The following TENM1 variants were observed in gnomAD, a reference collection of about 807,000 sequenced individuals.
The protein encoded by TENM1 is teneurin transmembrane protein 1.
In TENM1, 35 loss-of-function variants were observed where a neutral mutation model predicts 174.8. The observed-to-expected ratio is 0.20, with a 90% confidence interval of 0.15 to 0.27. The LOEUF is 0.27. Ranked by LOEUF, TENM1 falls within the 10% of genes least tolerant of loss-of-function variation. The pLI is 1.00. For synonymous variants in TENM1, 781 were observed against 798.7 expected (o/e 0.98, Z 0.37); for missense variants, 1,633 against 2,130.1 (o/e 0.77, Z 4.59).
At chrX:124,999,197 G>A in the TENM1 span, among the ~76,000 whole-genome samples, 1 of 111,029 alleles carries the variant, frequency 9.0e-6, no homozygotes, top group Non-Finnish European at 1.9e-5. Context: ...GTTCTAGTAT[G>A]TGTGTTCATA....
At chrX:124,706,469 T>C (rs982565797) in intron 4 of TENM1, among the ~76,000 whole-genome samples, 1 of 111,714 alleles carries the variant, frequency 9.0e-6, no homozygotes, top group Non-Finnish European at 1.9e-5. Context: ...TAAATCCCTA[T>C]TTCTATTCCC....
the TENM1 span, among the ~76,000 whole-genome samples, chrX:125,029,647 T>C: frequency 2.7e-5 from 3 of 112,107 alleles, no homozygotes; most frequent in Non-Finnish European, 5.6e-5. Flanking sequence ...TGCCCTGCTA[T>C]TTTTATTTCC....
chrX:124,510,775 T>TACACACACACACACACACACACACAC (rs755205162), intron 18 of TENM1, among the ~76,000 whole-genome samples: 13 of 103,579 alleles, frequency 1.3e-4, no homozygotes, highest in African/African-American at 3.9e-4. Flanking sequence ...CATGGGGAGA[T>TACACACACACACACACACACACACAC]ACACACACAC....
the TENM1 span, among the ~76,000 whole-genome samples, chrX:125,122,268 A>T: frequency 3.6e-5 from 4 of 111,469 alleles, no homozygotes; most frequent in Non-Finnish European, 7.5e-5. Context: ...AGATATTTGG[A>T]TGTGGTTATG....
intron 3 of TENM1, among the ~76,000 whole-genome samples, chrX:124,755,512 T>C (rs1175068425): frequency 8.5e-4 from 94 of 111,140 alleles, no homozygotes; most frequent in Non-Finnish European, 1.7e-3. Flanking sequence ...TTGTTATGTG[T>C]GAATTTGATC....
the TENM1 span, among the ~76,000 whole-genome samples, chrX:125,006,887 G>T: frequency 9.0e-5 from 10 of 111,668 alleles, no homozygotes; most frequent in African/African-American, 9.8e-5. Flanking sequence ...CAGCCTCAAA[G>T]ATCAAAGGTA....
intron 3 of TENM1, among the ~76,000 whole-genome samples, chrX:124,828,647 T>C (rs1376117783): frequency 8.9e-6 from 1 of 112,074 alleles, no homozygotes; most frequent in Non-Finnish European, 1.9e-5. Flanking sequence ...GCCAATTAGA[T>C]CCTTTTCAAA....
chrX:124,604,375 C>T (rs1243569505), intron 11 of TENM1, among the ~76,000 whole-genome samples: 1 of 111,626 alleles, frequency 9.0e-6, no homozygotes, highest in East Asian at 2.8e-4. Context: ...TTTGAGACAT[C>T]TTAAAATGCT....
At chrX:124,467,220 G>T (rs766626278) in intron 22 of TENM1, among the ~76,000 whole-genome samples, 1 of 111,933 alleles carries the variant, frequency 8.9e-6, no homozygotes, top group South Asian at 3.7e-4. Context: ...AAATGAAACT[G>T]GAAGAAAAAT....
the TENM1 span, among the ~76,000 whole-genome samples, chrX:124,974,948 A>G: frequency 2.0e-5 from 2 of 98,083 alleles, no homozygotes; most frequent in African/African-American, 7.3e-5. Flanking sequence ...ATCCCATTAG[A>G]TAAATGGCAA....
At chrX:125,126,910 C>T in the TENM1 span, among the ~76,000 whole-genome samples, 51 of 111,278 alleles carry the variant, frequency 4.6e-4, no homozygotes, top group Admixed American at 2.0e-3. Flanking sequence ...CAGTTCTACA[C>T]GTCTGATTTC....
chrX:124,870,153 G>T (rs1035274143), intron 3 of TENM1, among the ~76,000 whole-genome samples: 11 of 111,686 alleles, frequency 9.8e-5, no homozygotes, highest in Non-Finnish European at 2.1e-4. Flanking sequence ...AGAAATAATA[G>T]TTCATATCAA....
At position 124,674,544 on chromosome X, in the gene TENM1, A is replaced by T. The variant is rs779281603; in HGVS notation, c.1016-2709T>A. ...TAATTTATCCTTAAAACTTTTAAGCATTTAACTGGTTTCTACCCTTTTCTT... is the reference window on the plus strand; with the variant it reads ...TAATTTATCCTTAAAACTTTTAAGCTTTTAACTGGTTTCTACCCTTTTCTT... On this transcript the variant is annotated intron_variant, in intron 5 of 31. Transcript: ENST00000422452. Among the ~76,000 whole-genome samples the T allele has an allele frequency of 3.6e-5, 4 of 111,072 alleles. No individual in the cohort carries two copies. The East Asian group carries it at 1.1e-3, about 31-fold the overall frequency.
At position 124,946,442 on chromosome X, in the gene TENM1, C is replaced by T. The variant is rs776124695; in HGVS notation, c.217+17095G>A. Among the ~76,000 whole-genome samples, 7 of 111,426 alleles carry T rather than the reference C, an allele frequency of 6.3e-5. No homozygotes were observed. The East Asian group carries it at 2.0e-3, about 32-fold the overall frequency. On this transcript the variant is annotated intron_variant, in intron 1 of 31. Coordinates refer to ENST00000422452, the Ensembl canonical transcript of TENM1. Reference sequence around the variant, plus strand: ...GATCTGACCAAGGGAATAAGTGTAGCAAAGGTAAGAGAAGAGGTCTGAAGG... The same window carrying T: ...GATCTGACCAAGGGAATAAGTGTAGTAAAGGTAAGAGAAGAGGTCTGAAGG...
intron 11 of TENM1, among the ~76,000 whole-genome samples, chrX:124,632,254 A>T (rs1305791849): frequency 9.0e-6 from 1 of 110,612 alleles, no homozygotes; most frequent in Non-Finnish European, 1.9e-5. Flanking sequence ...GAATTCTACC[A>T]GTGGCCTCAA....
intron 3 of TENM1, among the ~76,000 whole-genome samples, chrX:124,831,534 A>G (rs1377253645): frequency 8.9e-6 from 1 of 112,206 alleles, no homozygotes; most frequent in Non-Finnish European, 1.9e-5. Context: ...CCAGAGAAAA[A>G]GCAAGTTTAC....
chrX:124,525,789 G>A (rs113085795), intron 16 of TENM1, among the ~76,000 whole-genome samples: 6 of 111,295 alleles, frequency 5.4e-5, no homozygotes, highest in Non-Finnish European at 7.5e-5. Flanking sequence ...CAGTTTTCTC[G>A]TTAGTAAAAT....
chrX:125,004,915 G>A, the TENM1 span, among the ~76,000 whole-genome samples: 2 of 110,241 alleles, frequency 1.8e-5, no homozygotes, highest in Non-Finnish European at 1.9e-5. Flanking sequence ...TTTTACACAA[G>A]AACGTTTAAT....
Position 124,567,673 on chromosome X carries a change from G to C in TENM1, c.2078-2113C>G, listed in dbSNP as rs189493428. On this transcript the variant is annotated intron_variant, in intron 11 of 31. Transcript: ENST00000422452. The stretch of plus-strand genomic sequence containing the variant: ...GCATAGAAAAACGTATCTTAAAAAC[G>C]TGGGCCTTGGCTTAAAAAGTGGTAG... Among the ~76,000 whole-genome samples the C allele has an allele frequency of 7.2e-5, 8 of 111,795 alleles. No individual in the cohort carries two copies. In the East Asian group the frequency reaches 2.3e-3, roughly 31 times the overall value.
Sources: gnomAD v4.1 joint callset for allele counts (sites outside exome capture counted in the v4.1 genomes callset) on GRCh38, gnomAD v4.1.1 for gene constraint, MANE v1.5 for transcripts, NCBI Gene and HGNC (gene_info 2026-07-23, HGNC 2026-07-21) for gene names.